FMNL3: variants seen among roughly 807,000 people sequenced by gnomAD.
FMNL3 encodes the protein formin like 3.
A neutral mutation model predicts 119.6 loss-of-function variants in FMNL3; 57 were observed. The ratio of observed to expected loss-of-function variants is 0.48; its 90% CI spans 0.39 to 0.59. FMNL3 has a LOEUF of 0.59. FMNL3 is among the 20% of genes least tolerant of loss of function. The pLI, the probability that FMNL3 is intolerant of heterozygous loss-of-function variation, is 0.00. For missense variants in FMNL3, 1,053 were observed against 1,323.5 expected (o/e 0.80, Z 3.17); for synonymous variants, 491 against 507.3 (o/e 0.97, Z 0.43).
Position 49,695,739 on chromosome 12 carries a change from A to T in FMNL3, c.126+11316T>A, listed in dbSNP as rs578063178. On this transcript the variant is annotated intron_variant, in intron 1 of 25. Coordinates refer to ENST00000335154, the MANE Select transcript of FMNL3 (RefSeq NM_175736.5). ...AGTGTTGTCTTAAAGATTTTTTTTC[A>T]TAAGTCCCCCAAAAGATGTAAATTT... Among the ~76,000 whole-genome samples the T allele has an allele frequency of 3.3e-5, 5 of 152,262 alleles. No individual in the cohort carries two copies. The East Asian group carries it at 9.6e-4, about 29-fold the overall frequency.
intron 6 of FMNL3, 117 bp from the exon 7 acceptor site, chr12:49,657,307 T>G (rs1361859866): frequency 1.4e-6 from 1 of 714,582 alleles, no homozygotes; most frequent in Non-Finnish European, 2.4e-6. Context: ...AAATAGGGAA[T>G]AGCACCTCGT....
Position 49,707,254 on chromosome 12 carries a change from C to G in FMNL3, c.-74G>C, listed in dbSNP as rs554488988. 1.5e-6 allele frequency: 2 copies of G among 1,333,728 alleles called. No homozygotes were observed. Among genetic ancestry groups the G allele is most frequent in the Non-Finnish European group, 2.0e-6 (2 of 1,023,696 alleles). The allele number at this position is 1,333,728 out of a possible 1,614,324, so 82.6% of individuals were successfully genotyped here. On this transcript the variant is annotated 5_prime_UTR_variant, in exon 1 of 26. Transcript: ENST00000335154. ...GAGCTTTCGGCTCCGCGGCTCCGAC[C>G]AGGCTCCTCCCTCAGCGCCGGCTCC...
At chr12:49,667,406 T>C (rs1033358415) in intron 2 of FMNL3, among the ~76,000 whole-genome samples, 2 of 152,240 alleles carry the variant, frequency 1.3e-5, no homozygotes, top group Non-Finnish European at 2.9e-5. Flanking sequence ...CTCCTCTTAA[T>C]GCAGAACACA....
chr12:49,704,528 T>C (rs543818295), intron 1 of FMNL3, among the ~76,000 whole-genome samples: 7 of 151,984 alleles, frequency 4.6e-5, no homozygotes, highest in Admixed American at 4.6e-4. Flanking sequence ...CTGGCCAACA[T>C]GGCGAAACCC....
intron 1 of FMNL3, among the ~76,000 whole-genome samples, chr12:49,675,762 G>C (rs1287771879): frequency 3.3e-5 from 5 of 152,288 alleles, no homozygotes; most frequent in African/African-American, 1.2e-4. Context: ...GATAAATCAT[G>C]TTTCTCCTTG....
At position 49,649,403 on chromosome 12, in the gene FMNL3, G is replaced by C. The variant is rs146144647; in HGVS notation, c.2305-64C>G. The C allele has an allele frequency of 7.5e-4, 1,216 of 1,613,256 alleles. 4 individuals are homozygous for C. The African/African-American group carries it at 9.0e-3, about 12-fold the overall frequency. On this transcript the variant is annotated intron_variant, in intron 19 of 25. Coordinates refer to ENST00000335154, the MANE Select transcript of FMNL3 (RefSeq NM_175736.5). This position sits in a 1 kb window ranked among gnomAD's most constrained non-coding sequence, Gnocchi z 5.6. Reference sequence around the variant, plus strand: ...TCCTGAAGGCTCCTTCTTCCTCTCTGTATAGCCCCAGGCCCCCACCTAGGA... The same window carrying C: ...TCCTGAAGGCTCCTTCTTCCTCTCTCTATAGCCCCAGGCCCCCACCTAGGA...
At chr12:49,668,698 A>G (rs1943957750) in intron 1 of FMNL3, 144 bp from the exon 2 acceptor site, 2 of 650,144 alleles carry the variant, frequency 3.1e-6, no homozygotes, top group Non-Finnish European at 5.3e-6. Flanking sequence ...TTGGAAAGGT[A>G]GAACAGTCCT....
chr12:49,636,827 G>C lies in FMNL3; in HGVS notation c.*8988C>G. ...CGGCTTCGGGAGCGACGCCAACAACGCAAGAATCGGGAGGCCTTCCAGGTA... is the reference window on the plus strand; with the variant it reads ...CGGCTTCGGGAGCGACGCCAACAACCCAAGAATCGGGAGGCCTTCCAGGTA... On this transcript the variant is annotated 3_prime_UTR_variant, in exon 26 of 26. Coordinates refer to ENST00000335154, the MANE Select transcript of FMNL3 (RefSeq NM_175736.5). 2 of 1,614,060 alleles carry C rather than the reference G, an allele frequency of 1.2e-6. No homozygotes were observed. Among genetic ancestry groups the C allele is most frequent in the Non-Finnish European group, 1.7e-6 (2 of 1,180,024 alleles).
chr12:49,692,714 G>C (rs1295829917), intron 1 of FMNL3, among the ~76,000 whole-genome samples: 2 of 152,156 alleles, frequency 1.3e-5, no homozygotes, highest in East Asian at 1.9e-4. Flanking sequence ...TGGCTGTACA[G>C]TGATAAGCAA....
At chr12:49,650,538 AG>A in intron 17 of FMNL3, 137 bp downstream of exon 17, 1 of 964,894 alleles carries the variant, frequency 1.0e-6, no homozygotes. Context: ...AGTAAATTCT[AG>A]CCAAGCCAGT....
intron 1 of FMNL3, among the ~76,000 whole-genome samples, chr12:49,702,156 T>C (rs1224391458): frequency 3.3e-5 from 5 of 151,748 alleles, no homozygotes; most frequent in African/African-American, 1.2e-4. Flanking sequence ...ATGAAAAAAT[T>C]AGCCAGGCAT....
chr12:49,659,006 T>C (rs1943658025), intron 5 of FMNL3, among the ~76,000 whole-genome samples: 1 of 152,172 alleles, frequency 6.6e-6, no homozygotes, highest in African/African-American at 2.4e-5. Context: ...ATAGAGGGAA[T>C]GGTGGGGAAT....
At position 49,656,386 on chromosome 12, in the gene FMNL3, C is replaced by T. The variant is rs375748198; in HGVS notation, c.885+18G>A. On this transcript the variant is annotated intron_variant, in intron 9 of 25. Coordinates refer to ENST00000335154, the MANE Select transcript of FMNL3 (RefSeq NM_175736.5). ...CCCCGCAAACACACACACACACACG[C>T]GAAGCGAAAAGACTGACCTCTTTGA... 53 of 1,608,864 alleles carry T rather than the reference C, an allele frequency of 3.3e-5. No individual in the cohort carries two copies. The South Asian group carries it at 3.5e-4, about 11-fold the overall frequency.
Position 49,646,916 on chromosome 12 carries a change from TC to T in FMNL3, c.2964del (p.Lys989ArgfsTer173). On this transcript the variant is annotated frameshift_variant, in exon 25 of 26. Transcript: ENST00000335154. LOFTEE classifies it high-confidence loss of function. Reference protein sequence around the residue: ...QAKEHRPVYEGKDGTIEDIIT... With the variant: ...QAKEHRPVYEXKDGTIEDIIT... ...ATGATGTCCTCGATGGTACCATCCTTCCCCTCATAAACAGGCCGGTGTTCCT... is the reference window on the plus strand; with the variant it reads ...ATGATGTCCTCGATGGTACCATCCTTCCCTCATAAACAGGCCGGTGTTCCT... 1 of 1,613,924 alleles carries T rather than the reference TC, an allele frequency of 6.2e-7. No individual in the cohort carries two copies. Among genetic ancestry groups the T allele is most frequent in the Non-Finnish European group, 8.5e-7 (1 of 1,179,940 alleles).
chr12:49,691,992 G>A (rs1944618198), intron 1 of FMNL3, among the ~76,000 whole-genome samples: 2 of 126,288 alleles, frequency 1.6e-5, no homozygotes, highest in Admixed American at 2.0e-4. Context: ...CCAAGATCAC[G>A]CCACTGCACT....
At chr12:49,682,162 C>T (rs1366495440) in intron 1 of FMNL3, among the ~76,000 whole-genome samples, 1 of 151,342 alleles carries the variant, frequency 6.6e-6, no homozygotes, top group Non-Finnish European at 1.5e-5. Context: ...GCTCTGCCTT[C>T]CAGGTTCACG....
Position 49,644,451 on chromosome 12 carries a change from C to T in FMNL3, c.*1364G>A, listed in dbSNP as rs963997306. 4.1e-6 allele frequency: 2 copies of T among 487,210 alleles called. No individual in the cohort carries two copies. Among genetic ancestry groups the T allele is most frequent in the Non-Finnish European group, 3.8e-6 (1 of 264,106 alleles). 30.2% of individuals were successfully genotyped at this position (487,210 alleles called of 1,614,324 possible). A position where few individuals can be genotyped will look rare whatever the true frequency, so the allele number is the denominator to read the frequency against. ...TATATGCCATGTGGGGTGGGTGATG[C>T]CAGTAGATAAAAGTGTGAGAGAAGG... On this transcript the variant is annotated 3_prime_UTR_variant, in exon 26 of 26. Coordinates refer to ENST00000335154, the MANE Select transcript of FMNL3 (RefSeq NM_175736.5).
intron 1 of FMNL3, among the ~76,000 whole-genome samples, chr12:49,697,423 T>C (rs79248495): frequency 1.3e-4 from 20 of 152,288 alleles, no homozygotes; most frequent in Non-Finnish European, 2.2e-4. Context: ...TACAGATAAG[T>C]GGAAGGCAAA....
chr12:49,674,285 G>C (rs1291416299), intron 1 of FMNL3, among the ~76,000 whole-genome samples: 1 of 152,224 alleles, frequency 6.6e-6, no homozygotes, highest in Non-Finnish European at 1.5e-5. Context: ...GGAAATCACA[G>C]AACAGTCAAT....
Sources: gnomAD v4.1 joint callset for allele counts (sites outside exome capture counted in the v4.1 genomes callset) on GRCh38, gnomAD v4.1.1 for gene constraint, Gnocchi (gnomAD v3.1) non-coding constraint, MANE v1.5 for transcripts, NCBI Gene and HGNC (gene_info 2026-07-23, HGNC 2026-07-21) for gene names.